The following SERPINA11 variants were observed in gnomAD, a reference collection of about 807,000 sequenced individuals.
SERPINA11 encodes the protein serpin A11.
In SERPINA11, 28 loss-of-function variants were observed where a neutral mutation model predicts 29.4. That is an observed-to-expected ratio of 0.95 (90% CI 0.70 to 1.30). The LOEUF is 1.30. Ranked by LOEUF, SERPINA11 falls within the 50% of genes most tolerant of loss-of-function variation. The probability of loss-of-function intolerance (pLI) is 0.00; values close to 1 mark genes in which losing one functional copy is unlikely to be tolerated. For synonymous variants in SERPINA11, 253 were observed against 206.6 expected (o/e 1.22, Z -1.92); for missense variants, 530 against 507.3 (o/e 1.04, Z -0.43).
chr14:94,445,527 T>A (rs1253296902), intron 3 of SERPINA11, among the ~76,000 whole-genome samples: 1 of 152,208 alleles, frequency 6.6e-6, no homozygotes, highest in African/African-American at 2.4e-5. Flanking sequence ...TTTTTAAACA[T>A]GTTTTAATTA....
chr14:94,447,492 C>G (rs1453198325), intron 2 of SERPINA11, among the ~76,000 whole-genome samples: 1 of 152,210 alleles, frequency 6.6e-6, no homozygotes, highest in Admixed American at 6.5e-5. Context: ...CACCCTTTCT[C>G]CCTTCCAAAC....
intron 3 of SERPINA11, among the ~76,000 whole-genome samples, chr14:94,443,663 C>T (rs1324196079): frequency 6.6e-6 from 1 of 152,202 alleles, no homozygotes; most frequent in East Asian, 1.9e-4. Context: ...AAATCCACCT[C>T]CTGGCATCCC....
At chr14:94,446,205 A>C in intron 3 of SERPINA11, 126 bp downstream of exon 3, 1 of 922,938 alleles carries the variant, frequency 1.1e-6, no homozygotes, top group Non-Finnish European at 1.7e-6. Flanking sequence ...AAGATCACAC[A>C]GTTAGTAAAG....
In SERPINA11 at chr14:94,446,422, G is replaced by A. The variant is rs1416821152; in HGVS notation, c.826C>T (p.Leu276=). Residue 276 remains leucine (L), a synonymous_variant, in exon 3 of 5, where the codon CTG becomes TTG. Transcript: ENST00000334708. The stretch of plus-strand genomic sequence containing the variant: ...ATTTTCCCCGGGTCAGGGAGGACCA[G>A]CAGCGCCAAGGCATTTCCTCTGTAT... ...IEYRGNALAL[L]VLPDPGKMKQ... is the part of the protein sequence containing the mutation. 6.2e-7 allele frequency: 1 copy of A among 1,614,180 alleles called. No homozygotes were observed. Among genetic ancestry groups the A allele is most frequent in the East Asian group, 2.2e-5 (1 of 44,886 alleles).
At chr14:94,450,284 T>C (rs1311340573) in intron 1 of SERPINA11, among the ~76,000 whole-genome samples, 1 of 152,120 alleles carries the variant, frequency 6.6e-6, no homozygotes, top group Non-Finnish European at 1.5e-5. Flanking sequence ...TATGATCTTG[T>C]TTGGAAATAG....
intron 4 of SERPINA11, 126 bp downstream of exon 4, chr14:94,442,952 T>A: frequency 7.8e-7 from 1 of 1,290,100 alleles, no homozygotes; most frequent in Admixed American, 2.3e-5. Context: ...CCTTAAAGAC[T>A]GTGGTATTAA....
chr14:94,448,432 T>G lies in SERPINA11; in HGVS notation c.343A>C (p.Ile115Leu). ...FNLTETPEADIHQGFRSLLHT... is the reference protein window; with the variant it reads ...FNLTETPEADLHQGFRSLLHT... ...AGGAGGCTCCGGAAGCCCTGGTGGA[T>G]GTCGGCTTCAGGGGTTTCTGTGAGG... Residue 115 changes from isoleucine (I) to leucine (L), a missense_variant, in exon 2 of 5, where the codon ATC becomes CTC. Physicochemically the swap from Ile to Leu is conservative, Grantham distance 5 (BLOSUM62 2). Transcript: ENST00000334708. The G allele has an allele frequency of 6.2e-7, 1 of 1,614,152 alleles. No individual in the cohort carries two copies. Among genetic ancestry groups the G allele is most frequent in the Non-Finnish European group, 8.5e-7 (1 of 1,180,014 alleles).
In SERPINA11 at chr14:94,442,533, AG is replaced by A; in HGVS notation, c.*72del. The A allele has an allele frequency of 9.2e-7, 1 of 1,081,824 alleles. No individual in the cohort carries two copies. The highest frequency in any genetic ancestry group is 1.3e-6 in the Non-Finnish European group (1 of 743,622). The allele number at this position is 1,081,824 out of a possible 1,614,324, so 67.0% of individuals were successfully genotyped here. On this transcript the variant is annotated 3_prime_UTR_variant, in exon 5 of 5. Coordinates refer to ENST00000334708, the MANE Select transcript of SERPINA11 (RefSeq NM_001080451.2). ...ATTAACTGAACCACATAGCAGCCCC[AG>A]GATGCAGGCTGGTTCTGGCCTATCT...
At chr14:94,448,034 C>T in intron 2 of SERPINA11, 98 bp downstream of exon 2, 2 of 1,174,092 alleles carry the variant, frequency 1.7e-6, no homozygotes, top group Non-Finnish European at 2.4e-6. Flanking sequence ...TCATAGATTT[C>T]CCCAAGTGGT....
intron 1 of SERPINA11, among the ~76,000 whole-genome samples, chr14:94,449,402 T>C (rs1235810744): frequency 3.5e-4 from 11 of 31,466 alleles, no homozygotes; most frequent in African/African-American, 9.8e-4. Context: ...CTTTCTTTCT[T>C]TCTATTCTTT....
chr14:94,442,515 GA>G lies in SERPINA11; in HGVS notation c.*90del. The G allele has an allele frequency of 1.1e-6, 1 of 895,670 alleles. No individual in the cohort carries two copies. Among genetic ancestry groups the G allele is most frequent in the Non-Finnish European group, 1.7e-6 (1 of 584,828 alleles). 55.5% of individuals were successfully genotyped at this position (895,670 alleles called of 1,614,324 possible). Reference sequence around the variant, plus strand: ...TAGAATCTTGGCACACTGATTAACTGAACCACATAGCAGCCCCAGGATGCAG... The same window carrying G: ...TAGAATCTTGGCACACTGATTAACTGACCACATAGCAGCCCCAGGATGCAG... On this transcript the variant is annotated 3_prime_UTR_variant, in exon 5 of 5. Coordinates refer to ENST00000334708, the MANE Select transcript of SERPINA11 (RefSeq NM_001080451.2).
intron 3 of SERPINA11, among the ~76,000 whole-genome samples, chr14:94,444,537 T>C (rs1269422207): frequency 6.6e-6 from 1 of 152,126 alleles, no homozygotes; most frequent in East Asian, 1.9e-4. Context: ...CCTTCTGTGA[T>C]GGGGGCAAGG....
Position 94,443,143 on chromosome 14 carries a change from T to G in SERPINA11, c.1000A>C (p.Asn334His). 1 of 1,614,160 alleles carries G rather than the reference T, an allele frequency of 6.2e-7. No homozygotes were observed. Among genetic ancestry groups the G allele is most frequent in the Non-Finnish European group, 8.5e-7 (1 of 1,180,004 alleles). ...AAGTCAGCTTCTAAGTTGAGTATGT[T>G]GGTGAGACCAATTTGGGGAAGTATG... ...EDILPQIGLT[N>H]ILNLEADFSG... Residue 334 changes from asparagine to histidine, a missense_variant, in exon 4 of 5, where the codon AAC (asparagine) becomes CAC (histidine). By Grantham distance (68) the Asn-to-His change is moderately conservative. Coordinates refer to ENST00000334708, the MANE Select transcript of SERPINA11 (RefSeq NM_001080451.2).
chr14:94,447,275 C>A (rs931423578), intron 2 of SERPINA11, among the ~76,000 whole-genome samples: 2 of 152,192 alleles, frequency 1.3e-5, no homozygotes, highest in Non-Finnish European at 2.9e-5. Flanking sequence ...TTCTCTCTTA[C>A]TTCTTATAAA....
chr14:94,449,393 T>TTTCTTTCTA (rs1898518397), intron 1 of SERPINA11, among the ~76,000 whole-genome samples: 1 of 40,500 alleles, frequency 2.5e-5, no homozygotes, highest in African/African-American at 1.0e-4. Context: ...TCCCTCCCTC[T>TTTCTTTCTA]TTCTTTCTTT....
At chr14:94,449,551 C>CTTTCTTTCTCTT (rs1898549628) in intron 1 of SERPINA11, among the ~76,000 whole-genome samples, 2 of 136,394 alleles carry the variant, frequency 1.5e-5, no homozygotes, top group African/African-American at 6.5e-5. Flanking sequence ...TTCTCTTTCT[C>CTTTCTTTCTCTT]TTTCTTTCTT....
rs2139778397 is a variant in SERPINA11 at position 94,448,761 on chromosome 14, C to A, written c.14G>T (p.Trp5Leu). MGPA[W>L]LWLLGTGILA... Reference sequence around the variant, plus strand: ...GATCCCTGTTCCCAGTAGCCAAAGCCAAGCTGGACCCATTCTCTGAAAACA... The same window carrying A: ...GATCCCTGTTCCCAGTAGCCAAAGCAAAGCTGGACCCATTCTCTGAAAACA... The change falls in exon 2 of 5, where the codon TGG becomes TTG. Residue 5 changes from tryptophan (W) to leucine (L), a missense_variant. Trp to Leu is a moderately conservative substitution (Grantham distance 61). Coordinates refer to ENST00000334708, the MANE Select transcript of SERPINA11 (RefSeq NM_001080451.2). 1 of 1,510,276 alleles carries A rather than the reference C, an allele frequency of 6.6e-7. No individual in the cohort carries two copies. The highest frequency in any genetic ancestry group is 8.8e-7 in the Non-Finnish European group (1 of 1,130,402). 93.6% of individuals were successfully genotyped at this position (1,510,276 alleles called of 1,614,324 possible). A position where few individuals can be genotyped will look rare whatever the true frequency, so the allele number is the denominator to read the frequency against.
At chr14:94,447,169 A>G (rs532575826) in intron 2 of SERPINA11, among the ~76,000 whole-genome samples, 2 of 152,338 alleles carry the variant, frequency 1.3e-5, no homozygotes, top group Admixed American at 6.5e-5. Context: ...AAAAGAATTC[A>G]ATTAATAAAA....
In SERPINA11 at chr14:94,449,404, CTAT is replaced by C. The variant is rs199532560; in HGVS notation, c.-3-630_-3-628del. Reference sequence around the variant, plus strand: ...AGCCTCCCTCCCTCTTTCTTTCTTTCTATTCTTTCTTTCTTTCTTTCTTTCTTT... The same window carrying C: ...AGCCTCCCTCCCTCTTTCTTTCTTTCTCTTTCTTTCTTTCTTTCTTTCTTT... On this transcript the variant is annotated intron_variant, in intron 1 of 4. Transcript: ENST00000334708. Among the ~76,000 whole-genome samples the C allele has an allele frequency of 3.9e-3, 123 of 31,558 alleles. 9 individuals carry two copies. Among genetic ancestry groups the C allele is most frequent in the African/African-American group, 0.012 (113 of 9,616 alleles). 20.7% of individuals were successfully genotyped at this position (31,558 alleles called of 152,430 possible).
Sources: allele counts gnomAD v4.1 joint callset (sites outside exome capture counted in the v4.1 genomes callset), GRCh38; gene constraint gnomAD v4.1.1; transcripts MANE v1.5; gene names NCBI Gene and HGNC (gene_info 2026-07-23, HGNC 2026-07-21).